Variants in CNTNAP5 observed in about 807,000 individuals in gnomAD.
The protein encoded by CNTNAP5 is contactin associated protein family member 5.
Under a neutral mutation model 150.2 loss-of-function variants are expected in CNTNAP5, and 72 were observed. That is an observed-to-expected ratio of 0.48 (90% CI 0.40 to 0.58). The LOEUF is 0.58. CNTNAP5 is among the 20% of genes least tolerant of loss of function. The pLI, the probability that CNTNAP5 is intolerant of heterozygous loss-of-function variation, is 0.00. For missense variants in CNTNAP5, 1,636 were observed against 1,626.2 expected (o/e 1.01, Z -0.10); for synonymous variants, 672 against 619.8 (o/e 1.08, Z -1.25).
intron 1 of CNTNAP5, among the ~76,000 whole-genome samples, chr2:124,119,362 CTTT>C (rs5834039): frequency 1.7e-4 from 24 of 139,492 alleles, no homozygotes; most frequent in Non-Finnish European, 2.2e-4. Context: ...GAGCAGGAAG[CTTT>C]TTTTTTTTTT....
At chr2:124,490,773 T>C (rs1407144717) in intron 7 of CNTNAP5, among the ~76,000 whole-genome samples, 2 of 152,104 alleles carry the variant, frequency 1.3e-5, no homozygotes, top group African/African-American at 2.4e-5. Flanking sequence ...TATTATGTAA[T>C]GTTTTTAATA....
chr2:124,077,656 T>G (rs1010849865), intron 1 of CNTNAP5, among the ~76,000 whole-genome samples: 10 of 152,208 alleles, frequency 6.6e-5, no homozygotes, highest in Non-Finnish European at 1.3e-4. Flanking sequence ...TTATTTAGTT[T>G]TCTCTCAATG....
At chr2:124,468,463 T>C (rs1035390823) in intron 6 of CNTNAP5, among the ~76,000 whole-genome samples, 2 of 152,066 alleles carry the variant, frequency 1.3e-5, no homozygotes, top group African/African-American at 4.8e-5. Context: ...AGTCAGCTTC[T>C]TCCATCTTCT....
chr2:124,356,649 T>C (rs1374009206), intron 3 of CNTNAP5, among the ~76,000 whole-genome samples: 1 of 152,156 alleles, frequency 6.6e-6, no homozygotes, highest in African/African-American at 2.4e-5. Flanking sequence ...TCATTTTTTA[T>C]GGCTGCATAG....
intron 11 of CNTNAP5, among the ~76,000 whole-genome samples, chr2:124,599,029 C>T (rs930232616): frequency 2.0e-5 from 3 of 152,070 alleles, no homozygotes; most frequent in Non-Finnish European, 4.4e-5. Flanking sequence ...ACCCACTGGC[C>T]TGCGCCCACT....
chr2:124,222,194 T>C (rs1011899769), intron 2 of CNTNAP5, among the ~76,000 whole-genome samples: 1 of 152,114 alleles, frequency 6.6e-6, no homozygotes, highest in South Asian at 2.1e-4. Flanking sequence ...TAATTTTACT[T>C]GAAAATTAAT....
At chr2:124,725,732 AG>A (rs943123267) in intron 13 of CNTNAP5, among the ~76,000 whole-genome samples, 3 of 151,896 alleles carry the variant, frequency 2.0e-5, no homozygotes, top group African/African-American at 7.3e-5. Flanking sequence ...CCTACTCCCC[AG>A]CCCCTGGAAA....
intron 3 of CNTNAP5, among the ~76,000 whole-genome samples, chr2:124,257,251 T>A (rs1398470529): frequency 2.0e-5 from 3 of 152,196 alleles, no homozygotes; most frequent in African/African-American, 7.2e-5. Context: ...AGGAAAACAG[T>A]ACTCTTTAAA....
At chr2:124,139,831 T>A (rs1270429184) in intron 1 of CNTNAP5, among the ~76,000 whole-genome samples, 1 of 152,026 alleles carries the variant, frequency 6.6e-6, no homozygotes, top group Non-Finnish European at 1.5e-5. Context: ...GCTCCCAGCG[T>A]GAGCGACGCA....
At chr2:124,132,318 G>A (rs1683871048) in intron 1 of CNTNAP5, among the ~76,000 whole-genome samples, 2 of 152,152 alleles carry the variant, frequency 1.3e-5, no homozygotes, top group Non-Finnish European at 1.5e-5. Context: ...GCTTCATAAA[G>A]TGCAGAGTTA....
intron 3 of CNTNAP5, among the ~76,000 whole-genome samples, chr2:124,298,283 A>G (rs1688489936): frequency 6.6e-6 from 1 of 152,148 alleles, no homozygotes; most frequent in Non-Finnish European, 1.5e-5. Context: ...CACTGTTCCC[A>G]GACCGAACTG....
intron 18 of CNTNAP5, among the ~76,000 whole-genome samples, chr2:124,793,769 G>A (rs908505513): frequency 9.2e-5 from 14 of 152,126 alleles, no homozygotes; most frequent in East Asian, 1.9e-4. Flanking sequence ...TTGTTGATGT[G>A]TGTTTGTTGT....
chr2:124,580,253 T>C (rs751214435), intron 11 of CNTNAP5, among the ~76,000 whole-genome samples: 1 of 152,262 alleles, frequency 6.6e-6, no homozygotes, highest in Non-Finnish European at 1.5e-5. Flanking sequence ...AAATCAAGTT[T>C]AGCCTAAAGC....
chr2:124,231,471 C>G (rs1686618194), intron 2 of CNTNAP5, among the ~76,000 whole-genome samples: 1 of 152,110 alleles, frequency 6.6e-6, no homozygotes, highest in Non-Finnish European at 1.5e-5. Flanking sequence ...TAATCAATAT[C>G]TTTATTGATG....
chr2:124,253,496 G>C (rs1687237098), intron 3 of CNTNAP5, among the ~76,000 whole-genome samples: 1 of 152,116 alleles, frequency 6.6e-6, no homozygotes, highest in Non-Finnish European at 1.5e-5. Flanking sequence ...AGGTATGCCA[G>C]CTGCCTTACT....
intron 7 of CNTNAP5, among the ~76,000 whole-genome samples, chr2:124,494,450 G>A (rs1262480082): frequency 6.6e-6 from 1 of 152,132 alleles, no homozygotes; most frequent in Non-Finnish European, 1.5e-5. Flanking sequence ...TAGCAGGTTG[G>A]ATGGTGCCTG....
chr2:124,639,565 A>T (rs1678046761), intron 12 of CNTNAP5, among the ~76,000 whole-genome samples: 1 of 152,156 alleles, frequency 6.6e-6, no homozygotes, highest in African/African-American at 2.4e-5. Context: ...TCACTAGCTC[A>T]TGACGTCCTC....
intron 20 of CNTNAP5, 53 bp from the exon 21 acceptor site, chr2:124,869,622 C>T (rs910065804): frequency 8.4e-7 from 1 of 1,195,006 alleles, no homozygotes; most frequent in African/African-American, 1.5e-5. Context: ...TCGTTTTATG[C>T]TTCTTACCTG....
intron 1 of CNTNAP5, among the ~76,000 whole-genome samples, chr2:124,124,677 C>T (rs1320233442): frequency 6.6e-6 from 1 of 152,170 alleles, no homozygotes; most frequent in Admixed American, 6.5e-5. Context: ...GGTCGGGTTA[C>T]CCACAAAGGG....
Sources: allele counts gnomAD v4.1 joint callset (sites outside exome capture counted in the v4.1 genomes callset), GRCh38; gene constraint gnomAD v4.1.1; transcripts MANE v1.5; gene names NCBI Gene and HGNC (gene_info 2026-07-23, HGNC 2026-07-21).